The following CHRNB3 variants were observed in gnomAD, a reference collection of about 807,000 sequenced individuals.
CHRNB3 encodes neuronal acetylcholine receptor subunit beta-3.
CHRNB3 carries 37 observed loss-of-function variants against 40.6 expected under a neutral mutation model. The observed-to-expected ratio is 0.91, with a 90% CI of 0.70 to 1.20. The LOEUF (loss-of-function observed/expected upper bound fraction) is 1.20, where lower values mean the gene tolerates loss of function less well. Ranked by LOEUF, CHRNB3 falls within the 50% of genes most tolerant of loss-of-function variation. The pLI is 0.00. For synonymous variants in CHRNB3, 207 were observed against 207.1 expected, an observed-to-expected ratio of 1.00 and a Z score of 0.00; for missense variants, 505 against 551.2, an observed-to-expected ratio of 0.92 and a Z score of 0.84.
Position 42,703,441 on chromosome 8 carries a change from T to TAA in CHRNB3, c.53-5275_53-5274insAA, listed in dbSNP as rs1563606389. 8.7e-3 allele frequency among the ~76,000 whole-genome samples: 104 copies of TAA among 12,000 alleles called. 16 individuals are homozygous for TAA. The South Asian group carries it at 0.12, about 14-fold the overall frequency. The allele number at this position is 12,000 out of a possible 152,430, so 7.9% of individuals were successfully genotyped here. A position where few individuals can be genotyped will look rare whatever the true frequency, so the allele number is the denominator to read the frequency against. Reference sequence around the variant, plus strand: ...TTCGTCTAAAAAAAAAAAAAATATTTATATATATATATATATATATGTATC... The same window carrying TAA: ...TTCGTCTAAAAAAAAAAAAAATATTTAAATATATATATATATATATATGTATC... On this transcript the variant is annotated intron_variant, in intron 1 of 5. Transcript: ENST00000289957.
At chr8:42,708,472 A>ACACACACAC (rs1554589834) in intron 1 of CHRNB3, among the ~76,000 whole-genome samples, 1 of 51,704 alleles carries the variant, frequency 1.9e-5, no homozygotes, top group African/African-American at 4.1e-5. Flanking sequence ...TCTCAAAAAA[A>ACACACACAC]ATACACACAC....
At chr8:42,709,803 T>C (rs1335853549) in intron 2 of CHRNB3, among the ~76,000 whole-genome samples, 2 of 152,154 alleles carry the variant, frequency 1.3e-5, no homozygotes, top group African/African-American at 4.8e-5. Context: ...AGCTAATTTT[T>C]GTATTTTTAG....
chr8:42,718,813 G>C (rs547631586), intron 3 of CHRNB3, among the ~76,000 whole-genome samples: 1 of 152,008 alleles, frequency 6.6e-6, no homozygotes, highest in Admixed American at 6.6e-5. Context: ...TGATCGTTCA[G>C]GTAATACATC....
intron 5 of CHRNB3, among the ~76,000 whole-genome samples, chr8:42,734,958 C>T (rs529503647): frequency 3.0e-4 from 45 of 152,148 alleles, no homozygotes; most frequent in East Asian, 7.8e-4. Flanking sequence ...CGGTAGCTCA[C>T]GCCTGTAATC....
chr8:42,703,435 A>AAAAAAATATAT lies in CHRNB3; in HGVS notation c.53-5281_53-5280insAAAAATATATA. ...CAAGACTTCGTCTAAAAAAAAAAAA[A>AAAAAAATATAT]ATATTTATATATATATATATATATA... On this transcript the variant is annotated intron_variant, in intron 1 of 5. Transcript: ENST00000289957. 8.9e-4 allele frequency among the ~76,000 whole-genome samples: 42 copies of AAAAAAATATAT among 47,384 alleles called. 5 individuals are homozygous for AAAAAAATATAT. The highest frequency in any genetic ancestry group is 3.5e-3 in the South Asian group (4 of 1,136). The allele number at this position is 47,384 out of a possible 152,430, so 31.1% of individuals were successfully genotyped here. A position where few individuals can be genotyped will look rare whatever the true frequency, so the allele number is the denominator to read the frequency against.
At chr8:42,719,099 A>T (rs1310911213) in intron 3 of CHRNB3, among the ~76,000 whole-genome samples, 1 of 152,150 alleles carries the variant, frequency 6.6e-6, no homozygotes, top group South Asian at 2.1e-4. Context: ...ATTATTTCTC[A>T]TCTCTTACCC....
chr8:42,730,522 G>A (rs1816387960), intron 3 of CHRNB3, 72 bp from the exon 4 acceptor site: 11 of 960,414 alleles, frequency 1.1e-5, no homozygotes, highest in Non-Finnish European at 1.5e-5. Context: ...AAAGCTAACA[G>A]AAACTTGAAG....
rs1381790758 is a variant in CHRNB3, at chr8:42,732,357, A to G, written c.1050A>G (p.Lys350=). 6.2e-7 allele frequency: 1 copy of G among 1,609,740 alleles called. No individual in the cohort carries two copies. The highest frequency in any genetic ancestry group is 1.1e-5 in the South Asian group (1 of 89,896). ...LQKLPKLLCM[K]DHVDRYSSPE... ...AACTTCCAAAATTACTTTGCATGAA[A>G]GATCATGTGGATCGCTACTCATCCC... is the stretch of plus-strand genomic sequence containing the variant. Residue 350 remains lysine (K), a synonymous_variant, in exon 5 of 6, where the codon AAA becomes AAG. Transcript: ENST00000289957.
At chr8:42,724,862 G>T (rs1816278802) in intron 3 of CHRNB3, among the ~76,000 whole-genome samples, 1 of 151,836 alleles carries the variant, frequency 6.6e-6, no homozygotes, top group African/African-American at 2.4e-5. Context: ...GGCGCCTGTA[G>T]TCCCAGCTAC....
rs140126510 is a variant in CHRNB3 at position 42,730,672 on chromosome 8, C to G, written c.328C>G (p.Leu110Val). The change falls in exon 4 of 6, where the codon CTG (leucine) becomes GTG (valine). Residue 110 changes from leucine (L) to valine (V), a missense_variant. Leu to Val is a conservative substitution (Grantham distance 32, BLOSUM62 1). Coordinates refer to ENST00000289957, the MANE Select transcript of CHRNB3 (RefSeq NM_000749.5). ...TTCCATTAAAGTTCCATCAGAATCT[C>G]TGTGGCTTCCTGACATAGTTCTCTT... ...IHSIKVPSES[L>V]WLPDIVLFEN... 5.0e-6 allele frequency: 8 copies of G among 1,605,788 alleles called. No individual in the cohort carries two copies. Among genetic ancestry groups the G allele is most frequent in the Non-Finnish European group, 6.0e-6 (7 of 1,173,632 alleles).
chr8:42,734,420 ATT>A (rs1296315067), intron 5 of CHRNB3, among the ~76,000 whole-genome samples: 22 of 138,594 alleles, frequency 1.6e-4, no homozygotes, highest in Admixed American at 1.5e-4. Flanking sequence ...TGATGAAAGA[ATT>A]TTTTTTTTTT....
intron 5 of CHRNB3, among the ~76,000 whole-genome samples, chr8:42,734,199 T>C (rs1816478105): frequency 7.8e-6 from 1 of 127,480 alleles, no homozygotes; most frequent in Admixed American, 1.0e-4. Context: ...GAGGTTGCAG[T>C]GAGCTGAGAG....
At chr8:42,717,474 C>T (rs753070086) in intron 3 of CHRNB3, among the ~76,000 whole-genome samples, 2 of 148,980 alleles carry the variant, frequency 1.3e-5, no homozygotes, top group African/African-American at 4.9e-5. Flanking sequence ...GTCTACCATC[C>T]GCAACCTGGA....
In CHRNB3 at chr8:42,732,117, G is replaced by A. The variant is rs375422537; in HGVS notation, c.810G>A (p.Ser270=). 250 of 1,613,414 alleles carry A rather than the reference G, an allele frequency of 1.5e-4. No individual in the cohort carries two copies. The highest frequency in any genetic ancestry group is 1.9e-4 in the Non-Finnish European group (230 of 1,179,922). Reference sequence around the variant, plus strand: ...GAGAAAAACTTTCATTATCCACATCGGTCTTGGTTTCTCTGACAGTTTTCC... The same window carrying A: ...GAGAAAAACTTTCATTATCCACATCAGTCTTGGTTTCTCTGACAGTTTTCC... ...DEGEKLSLST[S]VLVSLTVFLL... Residue 270 remains serine (S), a synonymous_variant, in exon 5 of 6, where the codon TCG becomes TCA. Coordinates refer to ENST00000289957, the MANE Select transcript of CHRNB3 (RefSeq NM_000749.5).
At chr8:42,726,560 C>T (rs1358125337) in intron 3 of CHRNB3, among the ~76,000 whole-genome samples, 1 of 150,714 alleles carries the variant, frequency 6.6e-6, no homozygotes, top group African/African-American at 2.4e-5. Context: ...AGTGCAGTGG[C>T]GCGATCTCAG....
rs780210966 is a variant in CHRNB3 at position 42,736,567 on chromosome 8, G to C, written c.1326G>C (p.Ser442=). The C allele has an allele frequency of 1.9e-6, 3 of 1,614,048 alleles. No homozygotes were observed. Among genetic ancestry groups the C allele is most frequent in the Admixed American group, 1.7e-5 (1 of 60,004 alleles). Residue 442 remains serine (S), a synonymous_variant, in exon 6 of 6, where the codon TCG becomes TCC. Transcript: ENST00000289957. ...TTCTGATAGTGTCAGTAACAGGCTC[G>C]GTTCTGATTTTTACCCCTGCTTTGA... ...WLFLIVSVTG[S]VLIFTPALKM...
chr8:42,722,977 TGTAA>T (rs919247232), intron 3 of CHRNB3, among the ~76,000 whole-genome samples: 1 of 152,168 alleles, frequency 6.6e-6, no homozygotes, highest in African/African-American at 2.4e-5. Context: ...ACTAACATAT[TGTAA>T]GTAATAGGAT....
intron 1 of CHRNB3, among the ~76,000 whole-genome samples, chr8:42,702,930 C>T (rs558131413): frequency 2.0e-5 from 3 of 152,226 alleles, no homozygotes; most frequent in Non-Finnish European, 4.4e-5. Flanking sequence ...CTGGCCTGGC[C>T]GCCAGAAGAC....
At chr8:42,724,990 CAA>C (rs1452473692) in intron 3 of CHRNB3, among the ~76,000 whole-genome samples, 1 of 150,172 alleles carries the variant, frequency 6.7e-6, no homozygotes, top group Non-Finnish European at 1.5e-5. Flanking sequence ...TCTCAAAAAA[CAA>C]AAAAAGAAAA....
Sources: gnomAD v4.1 joint callset for allele counts (sites outside exome capture counted in the v4.1 genomes callset) on GRCh38, gnomAD v4.1.1 for gene constraint, MANE v1.5 for transcripts, NCBI Gene and HGNC (gene_info 2026-07-23, HGNC 2026-07-21) for gene names.